The following PZP variants were observed in gnomAD, a reference collection of about 807,000 sequenced individuals.
The protein encoded by PZP is PZP alpha-2-macroglobulin like, also known as pregnancy zone protein.
PZP carries 150 observed loss-of-function variants against 179.8 expected under a neutral mutation model. The observed-to-expected ratio is 0.83, with a 90% CI of 0.73 to 0.96. PZP has a LOEUF of 0.96. Ranked by LOEUF, PZP falls within the 40% of genes least tolerant of loss-of-function variation. The pLI is 0.00. For synonymous variants in PZP, 624 were observed against 652.3 expected (o/e 0.96, Z 0.66); for missense variants, 1,689 against 1,764.0 (o/e 0.96, Z 0.76).
intron 17 of PZP, chr12:9,167,641 A>C (rs1241330892): frequency 6.6e-6 from 1 of 152,154 alleles, no homozygotes; most frequent in Non-Finnish European, 1.5e-5. Flanking sequence ...AAGATATTTC[A>C]GTTTTCTTAG....
intron 25 of PZP, 136 bp from the exon 26 acceptor site, chr12:9,158,712 T>C (rs1210766543): frequency 2.4e-6 from 2 of 825,504 alleles, no homozygotes; most frequent in Non-Finnish European, 3.5e-6. Context: ...TTGGAGACTT[T>C]TTCTTTTTAG....
chr12:9,184,610 G>A (rs769637161), intron 13 of PZP, among the ~76,000 whole-genome samples: 1 of 152,252 alleles, frequency 6.6e-6, no homozygotes, highest in Non-Finnish European at 1.5e-5. Context: ...ATGTGAATGA[G>A]GAGGGATCCC....
intron 1 of PZP, among the ~76,000 whole-genome samples, chr12:9,207,728 A>G (rs1423901096): frequency 1.3e-5 from 2 of 152,218 alleles, no homozygotes; most frequent in Non-Finnish European, 2.9e-5. Flanking sequence ...TCTAGACACT[A>G]TAGAGGAGAG....
chr12:9,162,031 G>A (rs975120178), intron 22 of PZP, among the ~76,000 whole-genome samples: 7 of 151,890 alleles, frequency 4.6e-5, no homozygotes, highest in African/African-American at 7.3e-5. Flanking sequence ...GTGTGATTTC[G>A]GCTCACTGCA....
intron 7 of PZP, among the ~76,000 whole-genome samples, chr12:9,198,147 C>T (rs1260209976): frequency 6.6e-6 from 1 of 150,874 alleles, no homozygotes; most frequent in Admixed American, 6.7e-5. Context: ...CCAAAAGTTC[C>T]CAACTAGCAT....
At chr12:9,158,690 G>A (rs138330481) in intron 25 of PZP, 114 bp from the exon 26 acceptor site, 5 of 948,610 alleles carry the variant, frequency 5.3e-6, no homozygotes, top group Middle Eastern at 5.3e-4. Flanking sequence ...TCAATCAGCT[G>A]TTACTGAGAG....
intron 15 of PZP, among the ~76,000 whole-genome samples, chr12:9,171,212 A>G (rs1232119011): frequency 6.6e-6 from 1 of 152,190 alleles, no homozygotes; most frequent in East Asian, 1.9e-4. Flanking sequence ...GGGAGAAACC[A>G]AAGCAACTGG....
intron 4 of PZP, among the ~76,000 whole-genome samples, chr12:9,201,747 C>A (rs1419339303): frequency 6.6e-6 from 1 of 152,060 alleles, no homozygotes; most frequent in African/African-American, 2.4e-5. Context: ...TTCCCAGAAT[C>A]ATTTGGTTGA....
intron 7 of PZP, 86 bp downstream of exon 7, chr12:9,200,278 C>A: frequency 8.1e-6 from 7 of 869,496 alleles, no homozygotes; most frequent in Admixed American, 2.8e-5. Flanking sequence ...AGTGCTGAGG[C>A]AAAGTAAATT....
At chr12:9,203,022 GCAACTTTAAA>G (rs1309583437) in intron 2 of PZP, among the ~76,000 whole-genome samples, 1 of 152,128 alleles carries the variant, frequency 6.6e-6, no homozygotes, top group Non-Finnish European at 1.5e-5. Flanking sequence ...CCCAAGTTAG[GCAACTTTAAA>G]GAGGTACTAG....
intron 13 of PZP, 50 bp downstream of exon 13, chr12:9,192,143 G>A: frequency 6.8e-7 from 1 of 1,471,094 alleles, no homozygotes; most frequent in Non-Finnish European, 9.5e-7. Flanking sequence ...CCGAGGGAAG[G>A]GTAAGGATGT....
At chr12:9,205,910 C>G (rs1436896991) in intron 1 of PZP, among the ~76,000 whole-genome samples, 1 of 152,124 alleles carries the variant, frequency 6.6e-6, no homozygotes, top group Admixed American at 6.5e-5. Flanking sequence ...GTAGTCTGCT[C>G]CAGCACACCA....
Position 9,197,004 on chromosome 12 carries a change from C to T in PZP, c.867+8G>A. On this transcript the variant is annotated splice_region_variant and intron_variant, in intron 8 of 35. Coordinates refer to ENST00000261336, the MANE Select transcript of PZP (RefSeq NM_002864.3). Reference sequence around the variant, plus strand: ...TGATAGCACTGAGGGAGAATACCGCCTACTAACCTGTTGACTGAATTCCTC... The same window carrying T: ...TGATAGCACTGAGGGAGAATACCGCTTACTAACCTGTTGACTGAATTCCTC... The T allele has an allele frequency of 6.3e-7, 1 of 1,575,872 alleles. No homozygotes were observed. The highest frequency in any genetic ancestry group is 8.7e-7 in the Non-Finnish European group (1 of 1,145,626).
In PZP at chr12:9,165,233, A is replaced by T; in HGVS notation, c.2393T>A (p.Phe798Tyr). The T allele has an allele frequency of 6.2e-7, 1 of 1,614,176 alleles. No homozygotes were observed. Among genetic ancestry groups the T allele is most frequent in the Non-Finnish European group, 8.5e-7 (1 of 1,180,032 alleles). Residue 798 changes from phenylalanine to tyrosine, a missense_variant, in exon 19 of 36, where the codon TTC (phenylalanine) becomes TAC (tyrosine). Transcript: ENST00000261336. ...STASLRAFQPFFVELTMPYSV... is the reference protein window; with the variant it reads ...STASLRAFQPYFVELTMPYSV... ...GTAAGGCATTGTGAGCTCCACAAAGAAGGGCTGGAAGGCTCGGAGAGAGGC... is the reference window on the plus strand; with the variant it reads ...GTAAGGCATTGTGAGCTCCACAAAGTAGGGCTGGAAGGCTCGGAGAGAGGC...
chr12:9,184,721 TA>T (rs1420341467), intron 13 of PZP, among the ~76,000 whole-genome samples: 1 of 152,176 alleles, frequency 6.6e-6, no homozygotes, highest in African/African-American at 2.4e-5. Flanking sequence ...AACATGTTCT[TA>T]ACCTCAAGGA....
At chr12:9,207,990 G>C (rs1242217760) in intron 1 of PZP, among the ~76,000 whole-genome samples, 1 of 152,110 alleles carries the variant, frequency 6.6e-6, no homozygotes, top group Non-Finnish European at 1.5e-5. Flanking sequence ...CAAAAGAACT[G>C]TTCTGTGAAG....
At position 9,192,504 on chromosome 12, in the gene PZP, A is replaced by T. The variant is rs759040864; in HGVS notation, c.1482+8T>A. On this transcript the variant is annotated splice_region_variant and intron_variant, in intron 12 of 35. Coordinates refer to ENST00000261336, the MANE Select transcript of PZP (RefSeq NM_002864.3). ...AGCTGCAATTGTATTCCATGGCCTC[A>T]TTCTTACCAGGTAATGGAAACTGAG... The T allele has an allele frequency of 6.2e-7, 1 of 1,607,798 alleles. No individual in the cohort carries two copies. The highest frequency in any genetic ancestry group is 2.2e-5 in the East Asian group (1 of 44,772).
intron 18 of PZP, 145 bp downstream of exon 18, chr12:9,165,907 G>T: frequency 1.1e-6 from 1 of 933,720 alleles, no homozygotes; most frequent in Non-Finnish European, 1.6e-6. Context: ...CTATGCAATT[G>T]CGCATTTTAC....
chr12:9,154,993 CACTTCTATGCTGA>C (rs951181534), intron 28 of PZP, among the ~76,000 whole-genome samples, 154 bp from the exon 29 acceptor site: 1 of 152,206 alleles, frequency 6.6e-6, no homozygotes, highest in African/African-American at 2.4e-5. Context: ...CACTAACTCA[CACTTCTATGCTGA>C]ACTTGATTTA....
Sources: allele counts gnomAD v4.1 joint callset (sites outside exome capture counted in the v4.1 genomes callset), GRCh38; gene constraint gnomAD v4.1.1; transcripts MANE v1.5; gene names NCBI Gene and HGNC (gene_info 2026-07-23, HGNC 2026-07-21).